Variants in ETV6 observed in about 807,000 individuals in gnomAD.
The protein encoded by ETV6 is transcription factor ETV6.
A neutral mutation model predicts 51.1 loss-of-function variants in ETV6; 16 were observed. That is an observed-to-expected ratio of 0.31 (90% CI 0.21 to 0.48). The LOEUF (loss-of-function observed/expected upper bound fraction) is 0.48, where lower values mean the gene tolerates loss of function less well. ETV6 is among the 20% of genes least tolerant of loss of function. ETV6 has a pLI of 0.99. For missense variants in ETV6, 458 were observed against 594.8 expected, an observed-to-expected ratio of 0.77 and a Z score of 2.39; for synonymous variants, 240 against 224.1, an observed-to-expected ratio of 1.07 and a Z score of -0.64.
chr12:11,845,377 A>G (rs1277156048), intron 3 of ETV6, among the ~76,000 whole-genome samples: 1 of 152,206 alleles, frequency 6.6e-6, no homozygotes, highest in Non-Finnish European at 1.5e-5. Flanking sequence ...CTTTAAACAC[A>G]TACTTATTTC....
At chr12:11,837,974 A>G (rs1259163668) in intron 2 of ETV6, among the ~76,000 whole-genome samples, 1 of 152,238 alleles carries the variant, frequency 6.6e-6, no homozygotes, top group Non-Finnish European at 1.5e-5. Flanking sequence ...TGAATTTAGC[A>G]AGTAAAATAG....
chr12:11,861,263 G>A (rs552371005), intron 4 of ETV6, among the ~76,000 whole-genome samples: 2 of 152,154 alleles, frequency 1.3e-5, no homozygotes, highest in South Asian at 2.1e-4. Context: ...CAGGGCCCAC[G>A]AGCACCACTT....
At chr12:11,834,581 T>A (rs1946288006) in intron 2 of ETV6, among the ~76,000 whole-genome samples, 1 of 152,246 alleles carries the variant, frequency 6.6e-6, no homozygotes, top group Non-Finnish European at 1.5e-5. Flanking sequence ...TTATCAACTC[T>A]GAAGTACTAC....
chr12:11,737,626 G>A (rs1865729262), intron 1 of ETV6, among the ~76,000 whole-genome samples: 1 of 152,208 alleles, frequency 6.6e-6, no homozygotes, highest in Non-Finnish European at 1.5e-5. Context: ...CTTATGGTGA[G>A]ACAATGCATA....
intron 2 of ETV6, among the ~76,000 whole-genome samples, chr12:11,790,222 A>C (rs116924193): frequency 1.3e-5 from 2 of 151,496 alleles, no homozygotes; most frequent in Admixed American, 1.3e-4. Flanking sequence ...TCTCTGGATG[A>C]TATTTTTCTT....
Position 11,847,290 on chromosome 12 carries a change from G to A in ETV6, c.329-6137G>A, listed in dbSNP as rs561154263. 2.6e-5 allele frequency among the ~76,000 whole-genome samples: 4 copies of A among 152,322 alleles called. No homozygotes were observed. The South Asian group carries it at 8.3e-4, about 32-fold the overall frequency. On this transcript the variant is annotated intron_variant, in intron 3 of 7. Transcript: ENST00000396373. ...TAAGAAACACCATCTCATCTGTAGA[G>A]ATGTTTGTGTTAGGCACATCAAATG...
rs115940849 is a variant in ETV6 at position 11,796,637 on chromosome 12, T to G, written c.164-42503T>G. Among the ~76,000 whole-genome samples, 795 of 152,372 alleles carry G rather than the reference T, an allele frequency of 5.2e-3. 10 individuals carry two copies. Among genetic ancestry groups the G allele is most frequent in the African/African-American group, 0.018 (757 of 41,586 alleles). ...ACCACTGAAACCAGAGCTTCCGCTG[T>G]GCACTGTCCATGCGTGGGGCCGATC... is the stretch of plus-strand genomic sequence containing the variant. On this transcript the variant is annotated intron_variant, in intron 2 of 7. Coordinates refer to ENST00000396373, the MANE Select transcript of ETV6 (RefSeq NM_001987.5).
In ETV6 at chr12:11,883,276, CTTTTTTTTTTTTTT is replaced by C. The variant is rs547786286; in HGVS notation, c.1010-1147_1010-1134del. Among the ~76,000 whole-genome samples the C allele has an allele frequency of 1.4e-4, 11 of 79,118 alleles. 1 individual carries two copies. Among genetic ancestry groups the C allele is most frequent in the Admixed American group, 3.1e-4 (2 of 6,398 alleles). 51.9% of individuals were successfully genotyped at this position (79,118 alleles called of 152,430 possible). ...GGGAAGGTGTACATCATGTCTTCTTCTTTTTTTTTTTTTTTTTTTTTTTTTTTTTTTTTTTGAGA... is the reference window on the plus strand; with the variant it reads ...GGGAAGGTGTACATCATGTCTTCTTCTTTTTTTTTTTTTTTTTTTTTGAGA... On this transcript the variant is annotated intron_variant, in intron 5 of 7. Coordinates refer to ENST00000396373, the MANE Select transcript of ETV6 (RefSeq NM_001987.5).
chr12:11,815,363 A>AATAG (rs1015576520), intron 2 of ETV6, among the ~76,000 whole-genome samples: 1 of 152,198 alleles, frequency 6.6e-6, no homozygotes, highest in African/African-American at 2.4e-5. Context: ...ATCATACCCT[A>AATAG]ATAGAATAGG....
At chr12:11,657,382 A>G (rs1864019656) in intron 1 of ETV6, among the ~76,000 whole-genome samples, 2 of 152,372 alleles carry the variant, frequency 1.3e-5, no homozygotes, top group South Asian at 4.1e-4. Flanking sequence ...CTTCCTTTTG[A>G]AGATTCACAT....
At chr12:11,666,100 G>A (rs1166580735) in intron 1 of ETV6, among the ~76,000 whole-genome samples, 1 of 152,178 alleles carries the variant, frequency 6.6e-6, no homozygotes, top group Non-Finnish European at 1.5e-5. Context: ...CTGGGACCCA[G>A]TGGCAGGTCA....
intron 1 of ETV6, among the ~76,000 whole-genome samples, chr12:11,690,553 C>T (rs189373327): frequency 9.9e-5 from 15 of 151,918 alleles, no homozygotes; most frequent in East Asian, 3.9e-4. Context: ...ATTGTACCAC[C>T]GCACCCTAGC....
At position 11,649,993 on chromosome 12, in the gene ETV6, C is replaced by A. The variant is rs564067396; in HGVS notation, c.-135C>A. 5 of 817,462 alleles carry A rather than the reference C, an allele frequency of 6.1e-6. No homozygotes were observed. The East Asian group carries it at 7.8e-5, about 13-fold the overall frequency. The allele number at this position is 817,462 out of a possible 1,614,324, so 50.6% of individuals were successfully genotyped here. On this transcript the variant is annotated 5_prime_UTR_variant, in exon 1 of 8. Transcript: ENST00000396373. ...CCCCGCGCGCTCCAGACCCCCGGGG[C>A]GGCTGCCGGGAGAGATGCTGGAAGA...
intron 2 of ETV6, among the ~76,000 whole-genome samples, chr12:11,802,060 A>G (rs548519714): frequency 2.0e-5 from 3 of 152,368 alleles, no homozygotes; most frequent in African/African-American, 7.2e-5. Context: ...ACTTCCTTAC[A>G]GGAAATTTCC....
chr12:11,751,234 C>T (rs377594000), intron 1 of ETV6, among the ~76,000 whole-genome samples: 6 of 152,292 alleles, frequency 3.9e-5, no homozygotes, highest in Admixed American at 6.5e-5. Flanking sequence ...AGGACTCCGC[C>T]GCTTCCCTTT....
At chr12:11,658,845 C>T (rs1021369544) in intron 1 of ETV6, among the ~76,000 whole-genome samples, 2 of 152,174 alleles carry the variant, frequency 1.3e-5, no homozygotes, top group Non-Finnish European at 2.9e-5. Flanking sequence ...GAATAAGTTT[C>T]CAGAGATGAA....
At chr12:11,888,658 C>T (rs1388391473) in intron 7 of ETV6, among the ~76,000 whole-genome samples, 2 of 152,128 alleles carry the variant, frequency 1.3e-5, no homozygotes, top group Non-Finnish European at 2.9e-5. Context: ...CCACCTTGGC[C>T]TCCCAAAGTG....
intron 2 of ETV6, among the ~76,000 whole-genome samples, chr12:11,823,867 A>C (rs1386047461): frequency 1.3e-5 from 2 of 152,118 alleles, no homozygotes; most frequent in African/African-American, 4.8e-5. Context: ...GTGCCCTTTG[A>C]GGCTCTCAGC....
intron 1 of ETV6, among the ~76,000 whole-genome samples, chr12:11,665,799 A>G (rs1024060485): frequency 1.3e-5 from 2 of 152,262 alleles, no homozygotes; most frequent in African/African-American, 4.8e-5. Flanking sequence ...TCCCATACCT[A>G]AGGGGCTCCT....
Sources: allele counts gnomAD v4.1 joint callset (sites outside exome capture counted in the v4.1 genomes callset), GRCh38; gene constraint gnomAD v4.1.1; transcripts MANE v1.5; gene names NCBI Gene and HGNC (gene_info 2026-07-23, HGNC 2026-07-21).